Variants in EML6 observed in about 807,000 individuals in gnomAD.
EML6 encodes the protein EMAP like 6, also known as echinoderm microtubule-associated protein-like 6.
Under a neutral mutation model 240.1 loss-of-function variants are expected in EML6, and 154 were observed. The observed-to-expected ratio is 0.64, with a 90% CI of 0.56 to 0.73. The LOEUF is 0.73. Ranked by LOEUF, EML6 falls within the 30% of genes least tolerant of loss-of-function variation. EML6 has a pLI of 0.00. For synonymous variants in EML6, 1,148 were observed against 899.0 expected (o/e 1.28, Z -4.95); for missense variants, 2,964 against 2,474.6 (o/e 1.20, Z -4.20).
At chr2:54,883,246 A>T (rs1321653238) in intron 17 of EML6, among the ~76,000 whole-genome samples, 2 of 152,124 alleles carry the variant, frequency 1.3e-5, no homozygotes, top group Non-Finnish European at 2.9e-5. Flanking sequence ...TTTTATTTAC[A>T]TGTGGAGTAT....
At position 54,869,225 on chromosome 2, in the gene EML6, C is replaced by G. The variant is rs771042246; in HGVS notation, c.2096C>G (p.Ala699Gly). 4 of 1,551,748 alleles carry G rather than the reference C, an allele frequency of 2.6e-6. No individual in the cohort carries two copies. The South Asian group carries it at 4.8e-5, about 18-fold the overall frequency. Reference protein sequence around the residue: ...DCRNNLFYTQAGEVVYHIAAV... With the variant: ...DCRNNLFYTQGGEVVYHIAAV... Reference sequence around the variant, plus strand: ...AGAAACAATCTGTTCTACACACAAGCTGGAGAAGTAGTCTACCACATTGCT... The same window carrying G: ...AGAAACAATCTGTTCTACACACAAGGTGGAGAAGTAGTCTACCACATTGCT... Residue 699 changes from alanine to glycine, a missense_variant, in exon 15 of 42, where the codon GCT becomes GGT. Ala to Gly is a moderately conservative substitution (Grantham distance 60). Transcript: ENST00000356458.
intron 21 of EML6, among the ~76,000 whole-genome samples, chr2:54,897,337 C>T (rs998453779): frequency 1.3e-5 from 2 of 152,098 alleles, no homozygotes; most frequent in African/African-American, 4.8e-5. Context: ...TTCTATTGCT[C>T]TAATAAGAAA....
chr2:54,899,638 C>T lies in EML6; in HGVS notation c.2983-3C>T. 1 of 1,552,708 alleles carries T rather than the reference C, an allele frequency of 6.4e-7. No individual in the cohort carries two copies. Among genetic ancestry groups the T allele is most frequent in the Non-Finnish European group, 8.7e-7 (1 of 1,147,538 alleles). ...TTATGTTGCCCCTTTTCCTCTCCCACAGGGGCACATGGAAGGAGAAGTGTG... is the reference window on the plus strand; with the variant it reads ...TTATGTTGCCCCTTTTCCTCTCCCATAGGGGCACATGGAAGGAGAAGTGTG... On this transcript the variant is annotated splice_region_variant and splice_polypyrimidine_tract_variant and intron_variant, in intron 21 of 41. Transcript: ENST00000356458.
chr2:54,864,802 G>A (rs1864739), intron 13 of EML6, among the ~76,000 whole-genome samples: 42,525 of 152,070 alleles, frequency 0.28, 6,758 homozygotes, highest in Middle Eastern at 0.35. Context: ...TGCACTACTT[G>A]GTTTGCCTCT....
At chr2:54,911,473 A>G (rs1673634623) in intron 25 of EML6, among the ~76,000 whole-genome samples, 1 of 149,420 alleles carries the variant, frequency 6.7e-6, no homozygotes, top group Non-Finnish European at 1.5e-5. Context: ...TCTTTTGCCC[A>G]GGCTGGAGTG....
intron 28 of EML6, among the ~76,000 whole-genome samples, chr2:54,938,117 G>A (rs879164285): frequency 7.9e-5 from 12 of 152,264 alleles, no homozygotes; most frequent in Admixed American, 2.0e-4. Flanking sequence ...AGGCCGAGGC[G>A]GGCAGATCAC....
rs564363239 is a variant in EML6, at chr2:54,935,244, T to C, written c.4004+6493T>C. Among the ~76,000 whole-genome samples, 3 of 152,322 alleles carry C rather than the reference T, an allele frequency of 2.0e-5. No homozygotes were observed. In the East Asian group the frequency reaches 5.8e-4, roughly 29 times the overall value. ...TTTTTGCTAAGGAGTCCCATGCTTA[T>C]CTTTGGTGTTCCTGTCCTGTGAATG... is the stretch of plus-strand genomic sequence containing the variant. On this transcript the variant is annotated intron_variant, in intron 28 of 41. Transcript: ENST00000356458.
intron 25 of EML6, among the ~76,000 whole-genome samples, chr2:54,914,945 C>T (rs1253490845): frequency 6.6e-6 from 1 of 152,122 alleles, no homozygotes; most frequent in Non-Finnish European, 1.5e-5. Flanking sequence ...CTGGAGCAAA[C>T]CTCCCCCTTC....
chr2:54,862,851 A>G (rs1430047101), intron 12 of EML6, among the ~76,000 whole-genome samples: 1 of 152,236 alleles, frequency 6.6e-6, no homozygotes, highest in Non-Finnish European at 1.5e-5. Flanking sequence ...GGTTTACGTG[A>G]AGAATTAACC....
chr2:54,782,520 G>A (rs1353415108), intron 2 of EML6, among the ~76,000 whole-genome samples: 1 of 152,048 alleles, frequency 6.6e-6, no homozygotes, highest in Admixed American at 6.6e-5. Context: ...TCTTTCTTCT[G>A]TTCCTTCTGT....
intron 2 of EML6, among the ~76,000 whole-genome samples, chr2:54,797,167 A>AAAAAAAAAACAAAAAAAAAAAC (rs1669838347): frequency 1.8e-5 from 2 of 114,018 alleles, no homozygotes; most frequent in African/African-American, 3.2e-5. Context: ...TCCATCTCAA[A>AAAAAAAAAACAAAAAAAAAAAC]AAAAAAAAAA....
rs754113468 is a variant in EML6 at position 54,963,944 on chromosome 2, G to C, written c.5158-42G>C. On this transcript the variant is annotated intron_variant, in intron 36 of 41. Transcript: ENST00000356458. Reference sequence around the variant, plus strand: ...AGAATGTCTCCTGGAGACCAGCTGAGGGGGCCAAGAGCTCAGGTGACTTTC... The same window carrying C: ...AGAATGTCTCCTGGAGACCAGCTGACGGGGCCAAGAGCTCAGGTGACTTTC... 3.8e-5 allele frequency: 57 copies of C among 1,518,316 alleles called. No homozygotes were observed. In the African/African-American group the frequency reaches 7.2e-4, roughly 19 times the overall value. 94.1% of individuals were successfully genotyped at this position (1,518,316 alleles called of 1,614,324 possible). A position where few individuals can be genotyped will look rare whatever the true frequency, so the allele number is the denominator to read the frequency against.
intron 39 of EML6, 107 bp downstream of exon 39, chr2:54,967,210 G>A: frequency 1.4e-6 from 1 of 730,790 alleles, no homozygotes; most frequent in Non-Finnish European, 2.3e-6. Context: ...GCTGAGAAAT[G>A]GAGCTGTCTT....
At chr2:54,828,574 T>G (rs1668709878) in intron 6 of EML6, among the ~76,000 whole-genome samples, 1 of 152,260 alleles carries the variant, frequency 6.6e-6, no homozygotes, top group South Asian at 2.1e-4. Context: ...CTATGACATT[T>G]CAGATCTTTC....
intron 2 of EML6, among the ~76,000 whole-genome samples, chr2:54,797,178 A>AACAAAC: frequency 6.9e-6 from 1 of 143,996 alleles, no homozygotes; most frequent in African/African-American, 2.5e-5. Context: ...AAAAAAAAAA[A>AACAAAC]AAAAAAAAAA....
chr2:54,930,500 G>T (rs1029547728), intron 28 of EML6, among the ~76,000 whole-genome samples: 2 of 151,312 alleles, frequency 1.3e-5, no homozygotes, highest in East Asian at 3.9e-4. Flanking sequence ...CTGTATAGTC[G>T]CATACACTGG....
chr2:54,950,151 G>GA (rs11442131), intron 29 of EML6, among the ~76,000 whole-genome samples: 42,445 of 152,036 alleles, frequency 0.28, 10,434 homozygotes, highest in African/African-American at 0.65. Flanking sequence ...GTTTTTGGGG[G>GA]AAAAAAATGG....
rs760658645 is a variant in EML6 at position 54,964,162 on chromosome 2, CCTA to C, written c.5330+5_5330+7del. 8.4e-6 allele frequency: 13 copies of C among 1,550,950 alleles called. No individual in the cohort carries two copies. The highest frequency in any genetic ancestry group is 2.0e-5 in the Admixed American group (1 of 50,944). ...AATCTGCTATCCAAGATATCAGGTA[CCTA>C]AGTGGGTGGTCTGGGCATGGAGGAG... On this transcript the variant is annotated splice_donor_5th_base_variant and intron_variant, in intron 37 of 41. Transcript: ENST00000356458.
At chr2:54,888,307 A>G (rs984156821) in intron 17 of EML6, among the ~76,000 whole-genome samples, 38 of 152,166 alleles carry the variant, frequency 2.5e-4, no homozygotes, top group Non-Finnish European at 1.5e-4. Flanking sequence ...GCCAAGCACT[A>G]AGGTTCCACC....
Sources: allele counts gnomAD v4.1 joint callset (sites outside exome capture counted in the v4.1 genomes callset), GRCh38; gene constraint gnomAD v4.1.1; transcripts MANE v1.5; gene names NCBI Gene and HGNC (gene_info 2026-07-23, HGNC 2026-07-21).